DNER: variants seen among roughly 807,000 people sequenced by gnomAD.
The protein encoded by DNER is delta and Notch-like epidermal growth factor-related receptor.
Under a neutral mutation model 78.2 loss-of-function variants are expected in DNER, and 33 were observed. That is an observed-to-expected ratio of 0.42 (90% CI 0.32 to 0.56). The LOEUF (loss-of-function observed/expected upper bound fraction) is 0.56. Ranked by LOEUF, DNER falls within the 20% of genes least tolerant of loss-of-function variation. DNER has a pLI of 0.11. For missense variants in DNER, 918 were observed against 975.3 expected (o/e 0.94, Z 0.78); for synonymous variants, 417 against 384.8 (o/e 1.08, Z -0.98).
At chr2:229,443,384 C>T (rs1694276966) in intron 8 of DNER, among the ~76,000 whole-genome samples, 1 of 152,182 alleles carries the variant, frequency 6.6e-6, no homozygotes, top group African/African-American at 2.4e-5. Context: ...CAGCGAGTTC[C>T]ACCTCATCCT....
intron 4 of DNER, among the ~76,000 whole-genome samples, chr2:229,569,018 T>C (rs1697165134): frequency 6.6e-6 from 1 of 152,188 alleles, no homozygotes; most frequent in Admixed American, 6.6e-5. Flanking sequence ...TGCATCTCTG[T>C]ATGCATGTGC....
chr2:229,523,066 C>T (rs957032535), intron 5 of DNER, among the ~76,000 whole-genome samples: 7 of 152,174 alleles, frequency 4.6e-5, no homozygotes, highest in Non-Finnish European at 4.4e-5. Flanking sequence ...AGGACTCAGA[C>T]AACATCCTGA....
At chr2:229,659,879 T>C (rs1698978901) in intron 1 of DNER, among the ~76,000 whole-genome samples, 1 of 152,182 alleles carries the variant, frequency 6.6e-6, no homozygotes, top group African/African-American at 2.4e-5. Context: ...ATGACTGCCA[T>C]GTATGTATAT....
chr2:229,483,211 C>T (rs189286930), intron 6 of DNER, among the ~76,000 whole-genome samples: 1 of 152,286 alleles, frequency 6.6e-6, no homozygotes. Flanking sequence ...CCAGAAACAA[C>T]CTTAGTCCTC....
intron 1 of DNER, among the ~76,000 whole-genome samples, chr2:229,614,038 GAGC>G (rs1698104204): frequency 2.1e-5 from 3 of 140,894 alleles, no homozygotes; most frequent in Non-Finnish European, 3.1e-5. Context: ...GGGTGGGGGG[GAGC>G]GGGGAGGGAT....
At chr2:229,379,769 G>GA (rs1692693460) in intron 11 of DNER, among the ~76,000 whole-genome samples, 1 of 152,142 alleles carries the variant, frequency 6.6e-6, no homozygotes, top group Admixed American at 6.5e-5. Context: ...CCTTGGCCAG[G>GA]ATAAGAACCA....
chr2:229,686,713 CT>C (rs1699488330), intron 1 of DNER, among the ~76,000 whole-genome samples: 1 of 152,228 alleles, frequency 6.6e-6, no homozygotes, highest in Non-Finnish European at 1.5e-5. Flanking sequence ...AGAGGAGTGA[CT>C]GTTGGCTGAA....
intron 8 of DNER, among the ~76,000 whole-genome samples, chr2:229,431,081 T>C (rs901214839): frequency 9.2e-5 from 14 of 152,168 alleles, no homozygotes; most frequent in Non-Finnish European, 1.6e-4. Flanking sequence ...TTTGAAGATG[T>C]TAAAAATTCT....
chr2:229,640,171 T>C (rs1277843613), intron 1 of DNER, among the ~76,000 whole-genome samples: 1 of 152,166 alleles, frequency 6.6e-6, no homozygotes, highest in Non-Finnish European at 1.5e-5. Context: ...AAAACAACTA[T>C]AAAAGGCTAA....
chr2:229,586,561 C>T, intron 3 of DNER: 1 of 197,936 alleles, frequency 5.1e-6, no homozygotes, highest in African/African-American at 2.9e-5. Context: ...CACACAAAAC[C>T]ACCCCACAGA....
At chr2:229,423,409 G>C (rs1246850146) in intron 8 of DNER, among the ~76,000 whole-genome samples, 3 of 152,066 alleles carry the variant, frequency 2.0e-5, no homozygotes, top group African/African-American at 7.2e-5. Context: ...GAGGTCAGGA[G>C]TTCAAGACCA....
intron 8 of DNER, among the ~76,000 whole-genome samples, chr2:229,421,230 C>T (rs562817537): frequency 1.8e-4 from 27 of 152,012 alleles, no homozygotes; most frequent in Non-Finnish European, 3.5e-4. Flanking sequence ...GTCAAACTCA[C>T]AGAAGCAGAA....
intron 8 of DNER, among the ~76,000 whole-genome samples, chr2:229,418,589 G>A (rs1460815119): frequency 1.3e-5 from 2 of 152,048 alleles, no homozygotes; most frequent in Non-Finnish European, 2.9e-5. Context: ...TTACGGCAGG[G>A]GAGGAGCAAA....
At chr2:229,553,380 C>T (rs1696787357) in intron 4 of DNER, among the ~76,000 whole-genome samples, 1 of 152,170 alleles carries the variant, frequency 6.6e-6, no homozygotes, top group South Asian at 2.1e-4. Flanking sequence ...GAATTCCTGA[C>T]TCTTTTTCAA....
At chr2:229,524,168 T>C (rs1419347718) in intron 5 of DNER, among the ~76,000 whole-genome samples, 1 of 152,234 alleles carries the variant, frequency 6.6e-6, no homozygotes, top group East Asian at 1.9e-4. Context: ...ACCTGCTCTT[T>C]ACATTAGAAG....
chr2:229,709,490 TG>T (rs1429623527), intron 1 of DNER, among the ~76,000 whole-genome samples: 3 of 152,218 alleles, frequency 2.0e-5, no homozygotes, highest in African/African-American at 7.2e-5. Flanking sequence ...TGTGTGTGTG[TG>T]TGTGTTTGTG....
chr2:229,509,332 T>C (rs1695815216), intron 6 of DNER, among the ~76,000 whole-genome samples: 1 of 152,236 alleles, frequency 6.6e-6, no homozygotes. Flanking sequence ...AAAGAGATAT[T>C]GCAACCATCT....
intron 11 of DNER, among the ~76,000 whole-genome samples, chr2:229,380,524 C>A (rs1366135400): frequency 6.6e-6 from 1 of 152,340 alleles, no homozygotes; most frequent in East Asian, 1.9e-4. Context: ...TTCACCCAAC[C>A]AGCATGGTTA....
chr2:229,639,871 A>G (rs1301069781), intron 1 of DNER, among the ~76,000 whole-genome samples: 2 of 152,182 alleles, frequency 1.3e-5, no homozygotes, highest in African/African-American at 4.8e-5. Context: ...AGGAGCTCAT[A>G]GGACTTGCAC....
Sources: gnomAD v4.1 joint callset for allele counts (sites outside exome capture counted in the v4.1 genomes callset) on GRCh38, gnomAD v4.1.1 for gene constraint, MANE v1.5 for transcripts, NCBI Gene and HGNC (gene_info 2026-07-23, HGNC 2026-07-21) for gene names.